C2CD3: variants seen among roughly 807,000 people sequenced by gnomAD.
C2CD3 encodes the protein C2 domain containing 3 centriole elongation regulator.
A neutral mutation model predicts 234.0 loss-of-function variants in C2CD3; 148 were observed. The ratio of observed to expected loss-of-function variants is 0.63; its 90% CI spans 0.55 to 0.72. C2CD3 has a LOEUF of 0.72. Ranked by LOEUF, C2CD3 falls within the 30% of genes least tolerant of loss-of-function variation. C2CD3 has a pLI of 0.00. For synonymous variants in C2CD3, 1,000 were observed against 1,035.4 expected, an observed-to-expected ratio of 0.97 and a Z score of 0.66; for missense variants, 2,577 against 2,811.5, an observed-to-expected ratio of 0.92 and a Z score of 1.89.
intron 16 of C2CD3, 131 bp downstream of exon 16, chr11:74,097,878 G>T: frequency 1.3e-6 from 1 of 791,660 alleles, no homozygotes; most frequent in Non-Finnish European, 2.0e-6. Context: ...TTTATAGGAA[G>T]CACTGGAGTG....
chr11:74,120,927 G>A (rs1957189312), intron 8 of C2CD3, among the ~76,000 whole-genome samples: 2 of 151,940 alleles, frequency 1.3e-5, no homozygotes, highest in South Asian at 2.1e-4. Context: ...GGAGGCCAAG[G>A]CAGGAGAATT....
At chr11:74,114,255 T>G in intron 10 of C2CD3, 129 bp downstream of exon 10, 1 of 694,336 alleles carries the variant, frequency 1.4e-6, no homozygotes, top group South Asian at 1.8e-5. Flanking sequence ...GGATTCAATA[T>G]ATTTCTGTAG....
chr11:74,151,616 C>T (rs752457189), intron 3 of C2CD3, among the ~76,000 whole-genome samples: 28 of 151,946 alleles, frequency 1.8e-4, no homozygotes, highest in African/African-American at 2.9e-4. Flanking sequence ...CATGAGCCAA[C>T]GTGCCTGGCA....
At chr11:74,142,661 T>C (rs1404731533) in intron 3 of C2CD3, among the ~76,000 whole-genome samples, 1 of 151,968 alleles carries the variant, frequency 6.6e-6, no homozygotes, top group African/African-American at 2.4e-5. Flanking sequence ...TAAATACGAA[T>C]GAGGCAGAAA....
intron 8 of C2CD3, among the ~76,000 whole-genome samples, chr11:74,121,593 TGA>T (rs1377717055): frequency 2.4e-5 from 3 of 122,938 alleles, no homozygotes; most frequent in East Asian, 4.7e-4. Context: ...GGTGACAGAA[TGA>T]GAGACTCCGT....
chr11:74,129,747 G>A (rs1039885597), intron 7 of C2CD3: 8 of 184,210 alleles, frequency 4.3e-5, no homozygotes, highest in East Asian at 1.9e-4. Context: ...AGGTTGTAGC[G>A]AGCCGATATC....
At chr11:74,118,719 C>T (rs530040053) in intron 8 of C2CD3, among the ~76,000 whole-genome samples, 11 of 152,140 alleles carry the variant, frequency 7.2e-5, no homozygotes, top group African/African-American at 2.2e-4. Context: ...CACCACATTC[C>T]GACAAGGTAC....
At chr11:74,055,693 G>A (rs1953921635) in intron 25 of C2CD3, among the ~76,000 whole-genome samples, 2 of 152,196 alleles carry the variant, frequency 1.3e-5, no homozygotes, top group Admixed American at 1.3e-4. Context: ...TCTCTTACCT[G>A]TTAAATGGGA....
At chr11:74,013,584 C>T (rs574418143) in intron 32 of C2CD3, 59 bp from the exon 33 acceptor site, 12 of 1,071,114 alleles carry the variant, frequency 1.1e-5, no homozygotes, top group East Asian at 6.5e-5. Flanking sequence ...CAATGGATGA[C>T]GCTGGTTTCT....
chr11:74,062,679 T>A (rs1245066539), intron 24 of C2CD3, among the ~76,000 whole-genome samples: 1 of 151,662 alleles, frequency 6.6e-6, no homozygotes. Flanking sequence ...GCAGGAAAGA[T>A]CTAAAATTGA....
chr11:74,115,410 C>T (rs1956891289), intron 9 of C2CD3, among the ~76,000 whole-genome samples: 1 of 152,104 alleles, frequency 6.6e-6, no homozygotes, highest in African/African-American at 2.4e-5. Context: ...TGTATTCCTT[C>T]TCATTTGCTT....
rs1199579925 is a variant in C2CD3, at chr11:74,057,454, A to T, written c.5042T>A (p.Val1681Glu). ...ADESSPVYTQVVENTDSPIWN... is the reference protein window; with the variant it reads ...ADESSPVYTQEVENTDSPIWN... ...GATGGGGGAATCTGTGTTTTCAACC[A>T]CTTGGGTGTATACAGGAGATGACTC... is the stretch of plus-strand genomic sequence containing the variant. Residue 1681 changes from valine (V) to glutamate (E), a missense_variant, in exon 25 of 33, where the codon GTG becomes GAG. Transcript: ENST00000334126. 1.9e-6 allele frequency: 3 copies of T among 1,614,062 alleles called. No individual in the cohort carries two copies. Among genetic ancestry groups the T allele is most frequent in the Non-Finnish European group, 2.5e-6 (3 of 1,180,002 alleles).
In C2CD3 at chr11:74,130,140, A is replaced by AG. The variant is rs1397243866; in HGVS notation, c.1217+2703dup. Among the ~76,000 whole-genome samples the AG allele has an allele frequency of 4.0e-4, 41 of 102,698 alleles. 1 individual carries two copies. Among genetic ancestry groups the AG allele is most frequent in the African/African-American group, 7.6e-4 (18 of 23,562 alleles). 67.4% of individuals were successfully genotyped at this position (102,698 alleles called of 152,430 possible). A position where few individuals can be genotyped will look rare whatever the true frequency, so the allele number is the denominator to read the frequency against. On this transcript the variant is annotated intron_variant, in intron 7 of 32. Coordinates refer to ENST00000334126, the MANE Select transcript of C2CD3 (RefSeq NM_001286577.2). Reference sequence around the variant, plus strand: ...TGGGGAGGGGGAGAGGGAGAGGGAGAGGGAGAGGGGAGAGGGGAGAGGGGA... The same window carrying AG: ...TGGGGAGGGGGAGAGGGAGAGGGAGAGGGGAGAGGGGAGAGGGGAGAGGGGA...
At chr11:74,066,296 C>A (rs1404856638) in intron 24 of C2CD3, among the ~76,000 whole-genome samples, 2 of 57,928 alleles carry the variant, frequency 3.5e-5, no homozygotes, top group East Asian at 1.2e-3. Context: ...AGGAGATATA[C>A]CTAATGTAAA....
chr11:74,084,511 G>C (rs1289676994), intron 22 of C2CD3, among the ~76,000 whole-genome samples: 1 of 151,966 alleles, frequency 6.6e-6, no homozygotes, highest in African/African-American at 2.4e-5. Context: ...CCTGACCTCA[G>C]GTGATCTGCC....
chr11:74,165,291 A>C (rs1383091379), intron 2 of C2CD3, among the ~76,000 whole-genome samples: 1 of 152,160 alleles, frequency 6.6e-6, no homozygotes, highest in Admixed American at 6.5e-5. Context: ...TCAAATGTTA[A>C]TTCTGGCACA....
In C2CD3 at chr11:74,013,508, G is replaced by T; in HGVS notation, c.6939C>A (p.Thr2313=). 2.2e-6 allele frequency: 3 copies of T among 1,367,808 alleles called. No homozygotes were observed. The highest frequency in any genetic ancestry group is 2.8e-6 in the Non-Finnish European group (3 of 1,064,530). The allele number at this position is 1,367,808 out of a possible 1,614,324, so 84.7% of individuals were successfully genotyped here. Residue 2313 remains threonine, a synonymous_variant, in exon 33 of 33, where the codon ACC becomes ACA. Coordinates refer to ENST00000334126, the MANE Select transcript of C2CD3 (RefSeq NM_001286577.2). ...AAGGCCTTTGGGAGAGAGCTCCCCT[G>T]GTGGCTTCGCTCTTGTCCTGGAGAG... ...ATTDQDKSEA[T]RGALSQRPCR...
intron 3 of C2CD3, among the ~76,000 whole-genome samples, chr11:74,145,826 T>C (rs781103754): frequency 2.6e-5 from 4 of 152,208 alleles, no homozygotes; most frequent in Non-Finnish European, 4.4e-5. Context: ...AATTTTTCTT[T>C]CTAATAAAAC....
intron 8 of C2CD3, among the ~76,000 whole-genome samples, chr11:74,122,694 G>T (rs1362319899): frequency 2.0e-5 from 3 of 152,166 alleles, no homozygotes; most frequent in African/African-American, 7.2e-5. Context: ...CCTTATAAAA[G>T]CTCTAAGGAA....
Sources: allele counts gnomAD v4.1 joint callset (sites outside exome capture counted in the v4.1 genomes callset), GRCh38; gene constraint gnomAD v4.1.1; transcripts MANE v1.5; gene names NCBI Gene and HGNC (gene_info 2026-07-23, HGNC 2026-07-21).